The following CYP2C18 variants were observed in gnomAD, a reference collection of about 807,000 sequenced individuals.
The protein encoded by CYP2C18 is cytochrome P450 family 2 subfamily C member 18.
In CYP2C18, 38 loss-of-function variants were observed where a neutral mutation model predicts 41.3. The ratio of observed to expected loss-of-function variants is 0.92; its 90% CI spans 0.71 to 1.21. CYP2C18 has a LOEUF of 1.21. Ranked by LOEUF, CYP2C18 falls within the 50% of genes most tolerant of loss-of-function variation. The pLI is 0.00. For missense variants in CYP2C18, 635 were observed against 591.4 expected (o/e 1.07, Z -0.77); for synonymous variants, 236 against 210.0 (o/e 1.12, Z -1.07).
chr10:94,702,033 C>G (rs1183191029), intron 4 of CYP2C18, among the ~76,000 whole-genome samples: 1 of 152,120 alleles, frequency 6.6e-6, no homozygotes, highest in African/African-American at 2.4e-5. Flanking sequence ...GTTGAAAATT[C>G]TTTTCTTTAA....
intron 4 of CYP2C18, among the ~76,000 whole-genome samples, chr10:94,702,175 G>C (rs1057024467): frequency 6.6e-6 from 1 of 151,922 alleles, no homozygotes; most frequent in African/African-American, 2.4e-5. Flanking sequence ...TATTTTTTCC[G>C]TCATTTCAAC....
chr10:94,720,413 G>A lies in CYP2C18; in HGVS notation c.837G>A (p.Gln279=), dbSNP rs760426683. ...TTTTTTAGGAAAAGCACAATCAACA[G>A]TCTGAATTTACTGTTGAAAGCTTGA... ...IKMEQEKHNQ[Q]SEFTVESLIA... Residue 279 remains glutamine, a synonymous_variant, in exon 6 of 9, where the codon CAG becomes CAA. Coordinates refer to ENST00000285979, the MANE Select transcript of CYP2C18 (RefSeq NM_000772.3). The A allele has an allele frequency of 6.2e-7, 1 of 1,610,466 alleles. No individual in the cohort carries two copies. The highest frequency in any genetic ancestry group is 8.5e-7 in the Non-Finnish European group (1 of 1,178,798).
In CYP2C18 at chr10:94,729,619, C is replaced by T. The variant is rs149450968; in HGVS notation, c.1150-3678C>T. On this transcript the variant is annotated intron_variant, in intron 7 of 8. Transcript: ENST00000285979. ...TTGCTTGAATTATCAATTCGAAAAA[C>T]AGTAATTTTGCCATTTTGTATATAT... Among the ~76,000 whole-genome samples, 172 of 152,182 alleles carry T rather than the reference C, an allele frequency of 1.1e-3. 2 individuals carry two copies. The highest frequency in any genetic ancestry group is 1.8e-3 in the Non-Finnish European group (120 of 67,994).
At chr10:94,724,558 A>G (rs1192625200) in intron 7 of CYP2C18, 25 bp downstream of exon 7, 1 of 1,598,458 alleles carries the variant, frequency 6.3e-7, no homozygotes, top group Non-Finnish European at 8.6e-7. Flanking sequence ...CCTACACTAC[A>G]TCTCCATGCT....
intron 4 of CYP2C18, among the ~76,000 whole-genome samples, chr10:94,704,142 G>A (rs185282762): frequency 1.1e-4 from 17 of 152,244 alleles, no homozygotes; most frequent in South Asian, 8.3e-4. Flanking sequence ...CATTGGTCTC[G>A]TTGGGAACCA....
intron 1 of CYP2C18, among the ~76,000 whole-genome samples, chr10:94,686,989 G>A (rs1352037137): frequency 6.6e-6 from 1 of 152,172 alleles, no homozygotes; most frequent in East Asian, 1.9e-4. Context: ...CATGCCTGAT[G>A]TCAAAGAAAT....
At chr10:94,694,257 T>C (rs1050429166) in intron 3 of CYP2C18, among the ~76,000 whole-genome samples, 1 of 152,180 alleles carries the variant, frequency 6.6e-6, no homozygotes, top group Non-Finnish European at 1.5e-5. Context: ...ACTTTTTCTG[T>C]CTGCTCTATT....
chr10:94,693,383 C>T (rs867984873), intron 3 of CYP2C18, among the ~76,000 whole-genome samples: 1 of 152,050 alleles, frequency 6.6e-6, no homozygotes, highest in Admixed American at 6.6e-5. Context: ...TGCCTTCTGC[C>T]GTGATTGCAT....
intron 4 of CYP2C18, among the ~76,000 whole-genome samples, chr10:94,701,641 T>C (rs942017428): frequency 7.9e-5 from 12 of 151,946 alleles, no homozygotes; most frequent in African/African-American, 2.9e-4. Context: ...AAAAAAGAAA[T>C]TCCTCTCCAC....
At chr10:94,700,198 G>T (rs1170549330) in intron 4 of CYP2C18, among the ~76,000 whole-genome samples, 1 of 152,140 alleles carries the variant, frequency 6.6e-6, no homozygotes, top group Non-Finnish European at 1.5e-5. Flanking sequence ...GAACAAAGCT[G>T]GAGGCATCAC....
At chr10:94,693,505 C>A (rs1033941497) in intron 3 of CYP2C18, among the ~76,000 whole-genome samples, 2 of 152,136 alleles carry the variant, frequency 1.3e-5, no homozygotes, top group Admixed American at 6.5e-5. Context: ...TAATATACTT[C>A]CCCACATGAA....
chr10:94,731,402 AT>A (rs1589808157), intron 7 of CYP2C18, among the ~76,000 whole-genome samples: 2 of 152,096 alleles, frequency 1.3e-5, no homozygotes, highest in African/African-American at 4.8e-5. Flanking sequence ...AAATAAAAAA[AT>A]AAAGGCCATA....
At chr10:94,684,755 T>A (rs57431619) in intron 1 of CYP2C18, among the ~76,000 whole-genome samples, 1 of 151,708 alleles carries the variant, frequency 6.6e-6, no homozygotes, top group Non-Finnish European at 1.5e-5. Flanking sequence ...TCTATTTTTG[T>A]TTTTTTTAGG....
At chr10:94,733,597 C>T (rs1268519751) in intron 8 of CYP2C18, 159 bp downstream of exon 8, 1 of 985,084 alleles carries the variant, frequency 1.0e-6, no homozygotes, top group African/African-American at 1.7e-5. Context: ...TGATGAACAT[C>T]CCCATTATTG....
intron 5 of CYP2C18, among the ~76,000 whole-genome samples, chr10:94,708,784 A>T (rs538727079): frequency 6.6e-6 from 1 of 152,242 alleles, no homozygotes; most frequent in South Asian, 2.1e-4. Context: ...GTCTGTCTCT[A>T]TAGGTTTGCT....
intron 4 of CYP2C18, among the ~76,000 whole-genome samples, chr10:94,697,707 T>A (rs1342486839): frequency 6.6e-6 from 1 of 152,054 alleles, no homozygotes; most frequent in Non-Finnish European, 1.5e-5. Context: ...AGAGTCAAGA[T>A]CCATCAGTGT....
chr10:94,700,512 A>C (rs1847216821), intron 4 of CYP2C18, among the ~76,000 whole-genome samples: 1 of 152,258 alleles, frequency 6.6e-6, no homozygotes, highest in Admixed American at 6.5e-5. Context: ...ACCTAAAACC[A>C]TAAAAACCGT....
At chr10:94,725,344 T>G (rs1847721769) in intron 7 of CYP2C18, among the ~76,000 whole-genome samples, 1 of 151,936 alleles carries the variant, frequency 6.6e-6, no homozygotes, top group Non-Finnish European at 1.5e-5. Context: ...TCAAGCAAAT[T>G]TACTTGGCAT....
chr10:94,692,366 A>T (rs1454388134), intron 3 of CYP2C18, among the ~76,000 whole-genome samples: 14 of 151,224 alleles, frequency 9.3e-5, no homozygotes, highest in Admixed American at 9.2e-4. Context: ...GGCAAAGGAT[A>T]TGAGCAGACA....
Sources: allele counts gnomAD v4.1 joint callset (sites outside exome capture counted in the v4.1 genomes callset), GRCh38; gene constraint gnomAD v4.1.1; transcripts MANE v1.5; gene names NCBI Gene and HGNC (gene_info 2026-07-23, HGNC 2026-07-21).